Variants in SCNN1G observed in about 807,000 individuals in gnomAD.
SCNN1G encodes epithelial sodium channel subunit gamma.
SCNN1G carries 27 observed loss-of-function variants against 64.6 expected under a neutral mutation model. The observed-to-expected ratio is 0.42, with a 90% CI of 0.31 to 0.58. The LOEUF (loss-of-function observed/expected upper bound fraction) is 0.58, where lower values mean the gene tolerates loss of function less well. Ranked by LOEUF, SCNN1G falls within the 20% of genes least tolerant of loss-of-function variation. SCNN1G has a pLI of 0.18. For synonymous variants in SCNN1G, 330 were observed against 314.2 expected (o/e 1.05, Z -0.53); for missense variants, 743 against 823.4 (o/e 0.90, Z 1.19).
Position 23,193,613 on chromosome 16 carries a change from C to A in SCNN1G, c.810-558C>A, listed in dbSNP as rs144110046. ...GCAGTGAGCCATAATTGCGCCACTG[C>A]ACTTCAGCCTGGGCAAAAGAGCAAG... is the stretch of plus-strand genomic sequence containing the variant. On this transcript the variant is annotated intron_variant, in intron 4 of 12. Coordinates refer to ENST00000300061, the MANE Select transcript of SCNN1G (RefSeq NM_001039.4). 1.5e-4 allele frequency among the ~76,000 whole-genome samples: 23 copies of A among 152,314 alleles called. No homozygotes were observed. In the East Asian group the frequency reaches 4.0e-3, roughly 27 times the overall value.
At position 23,186,442 on chromosome 16, in the gene SCNN1G, C is replaced by G; in HGVS notation, c.171C>G (p.Ile57Met). The G allele has an allele frequency of 6.2e-7, 1 of 1,614,210 alleles. No homozygotes were observed. Among genetic ancestry groups the G allele is most frequent in the Admixed American group, 1.7e-5 (1 of 60,030 alleles). The change falls in exon 2 of 13, where the codon ATC (isoleucine) becomes ATG (methionine). Residue 57 changes from isoleucine (I) to methionine (M), a missense_variant. Coordinates refer to ENST00000300061, the MANE Select transcript of SCNN1G (RefSeq NM_001039.4). ...GCCGTCTGCGCCGCCTCCTCTGGAT[C>G]GGGTTCACACTGACTGCCGTGGCCC... ...SRGRLRRLLW[I>M]GFTLTAVALI...
chr16:23,196,651 A>G (rs1374270408), intron 5 of SCNN1G: 1 of 155,618 alleles, frequency 6.4e-6, no homozygotes, highest in Non-Finnish European at 1.4e-5. Flanking sequence ...AATTGCAAAC[A>G]ATTTGTAAAT....
chr16:23,208,163 A>T (rs1055653295), intron 6 of SCNN1G, among the ~76,000 whole-genome samples: 3 of 152,154 alleles, frequency 2.0e-5, no homozygotes, highest in Non-Finnish European at 2.9e-5. Context: ...ATTAAGCTAG[A>T]GCAAAATTTA....
At position 23,215,476 on chromosome 16, in the gene SCNN1G, G is replaced by A. The variant is rs1469665342; in HGVS notation, c.*7G>A. 6.2e-7 allele frequency: 1 copy of A among 1,606,268 alleles called. No individual in the cohort carries two copies. The highest frequency in any genetic ancestry group is 1.1e-5 in the South Asian group (1 of 91,088). ...GATGCTGGATGAGCTCTGAGGCAGGGTTGAGAAGACAGATCTAGTCAGGAC... is the reference window on the plus strand; with the variant it reads ...GATGCTGGATGAGCTCTGAGGCAGGATTGAGAAGACAGATCTAGTCAGGAC... On this transcript the variant is annotated 3_prime_UTR_variant, in exon 13 of 13. Transcript: ENST00000300061.
rs1400657814 is a variant in SCNN1G at position 23,189,606 on chromosome 16, A to G, written c.553A>G (p.Ser185Gly). The G allele has an allele frequency of 1.9e-6, 3 of 1,614,208 alleles. No individual in the cohort carries two copies. Among genetic ancestry groups the G allele is most frequent in the Non-Finnish European group, 2.5e-6 (3 of 1,180,028 alleles). Reference sequence around the variant, plus strand: ...AGGGAGGAAGCGGAAAGTCGGCGGTAGCATCATTCACAAGGCTTCAAATGT... The same window carrying G: ...AGGGAGGAAGCGGAAAGTCGGCGGTGGCATCATTCACAAGGCTTCAAATGT... ...FTGRKRKVGG[S>G]IIHKASNVMH... The change falls in exon 3 of 13, where the codon AGC becomes GGC. Residue 185 changes from serine (S) to glycine (G), a missense_variant. Transcript: ENST00000300061.
chr16:23,214,619 C>A, intron 11 of SCNN1G, 93 bp from the exon 12 acceptor site: 1 of 1,006,740 alleles, frequency 9.9e-7, no homozygotes, highest in Non-Finnish European at 1.6e-6. Flanking sequence ...CTTGGCCATG[C>A]TGCCAGCTTG....
chr16:23,196,078 A>G (rs1259471332), intron 5 of SCNN1G: 1 of 152,198 alleles, frequency 6.6e-6, no homozygotes, highest in East Asian at 1.9e-4. Flanking sequence ...GACATGATCT[A>G]GTTACAAATC....
Position 23,215,436 on chromosome 16 carries a change from G to T in SCNN1G, c.1917G>T (p.Gln639His), listed in dbSNP as rs760463856. The T allele has an allele frequency of 9.9e-6, 16 of 1,612,700 alleles. No homozygotes were observed. The South Asian group carries it at 1.8e-4, about 18-fold the overall frequency. ...GCTTGGAGAGGGCCTTTTCCAACCA[G>T]CTCACAGATACCCAGATGCTGGATG... ...TLRLERAFSN[Q>H]LTDTQMLDEL Residue 639 changes from glutamine to histidine, a missense_variant, in exon 13 of 13, where the codon CAG (glutamine) becomes CAT (histidine). Gln to His is a conservative substitution (Grantham distance 24, BLOSUM62 0). Transcript: ENST00000300061.
At chr16:23,191,769 T>C (rs72646496) in intron 3 of SCNN1G, among the ~76,000 whole-genome samples, 14 of 152,204 alleles carry the variant, frequency 9.2e-5, no homozygotes, top group Non-Finnish European at 1.5e-4. Flanking sequence ...TTCCAAGCTT[T>C]GTGTGATAAG....
In SCNN1G at chr16:23,214,759, G is replaced by T; in HGVS notation, c.1541G>T (p.Arg514Ile). Reference protein sequence around the residue: ...LLIFYKDLNQRSIMESPANSI... With the variant: ...LLIFYKDLNQISIMESPANSI... ...ATATTCTACAAAGACCTGAACCAGA[G>T]ATCCATCATGGAGAGCCCAGCCAAC... Residue 514 changes from arginine to isoleucine, a missense_variant, in exon 12 of 13, where the codon AGA becomes ATA. Coordinates refer to ENST00000300061, the MANE Select transcript of SCNN1G (RefSeq NM_001039.4). 6.2e-7 allele frequency: 1 copy of T among 1,614,136 alleles called. No individual in the cohort carries two copies. Among genetic ancestry groups the T allele is most frequent in the Non-Finnish European group, 8.5e-7 (1 of 1,179,980 alleles).
chr16:23,215,658 T>C lies in SCNN1G; in HGVS notation c.*189T>C. On this transcript the variant is annotated 3_prime_UTR_variant, in exon 13 of 13. Coordinates refer to ENST00000300061, the MANE Select transcript of SCNN1G (RefSeq NM_001039.4). ...ATGCGCAGGAGGAGCCATCGGGTAC[T>C]ACGCAGCAACACTCACAACTGTCCA... The C allele has an allele frequency of 1.5e-6, 1 of 652,438 alleles. No individual in the cohort carries two copies. The highest frequency in any genetic ancestry group is 2.7e-6 in the Non-Finnish European group (1 of 371,412). 40.4% of individuals were successfully genotyped at this position (652,438 alleles called of 1,614,324 possible).
chr16:23,215,800 T>C lies in SCNN1G; in HGVS notation c.*331T>C. The C allele has an allele frequency of 2.5e-6, 1 of 402,962 alleles. No homozygotes were observed. 25.0% of individuals were successfully genotyped at this position (402,962 alleles called of 1,614,324 possible). A position where few individuals can be genotyped will look rare whatever the true frequency, so the allele number is the denominator to read the frequency against. ...GAGGACTGATGCAGCTCTTTACGGG[T>C]CTTGAGAGGGAAGGACTCTTCCAAA... On this transcript the variant is annotated 3_prime_UTR_variant, in exon 13 of 13. Transcript: ENST00000300061.
intron 6 of SCNN1G, among the ~76,000 whole-genome samples, chr16:23,208,525 G>A (rs1428664747): frequency 1.3e-5 from 2 of 151,912 alleles, no homozygotes; most frequent in African/African-American, 4.8e-5. Context: ...AAGGCAATGG[G>A]TCCTTCACCT....
At chr16:23,191,955 C>G (rs1055158836) in intron 3 of SCNN1G, among the ~76,000 whole-genome samples, 1 of 152,190 alleles carries the variant, frequency 6.6e-6, no homozygotes, top group Non-Finnish European at 1.5e-5. Context: ...AGTCTCTCCC[C>G]CTCCTGCAGA....
rs747479323 is a variant in SCNN1G at position 23,192,478 on chromosome 16, A to G, written c.745A>G (p.Met249Val). The change falls in exon 4 of 13, where the codon ATG (methionine) becomes GTG (valine). Residue 249 changes from methionine to valine, a missense_variant. Transcript: ENST00000300061. ...AQVPLEKKIN[M>V]SYSAEELLVT... ...GGTGCCTCTGGAGAAGAAAATCAAC[A>G]TGAGCTATTCTGCTGAGGAGCTGCT... 4 of 1,613,424 alleles carry G rather than the reference A, an allele frequency of 2.5e-6. No homozygotes were observed. The highest frequency in any genetic ancestry group is 3.4e-6 in the Non-Finnish European group (4 of 1,179,944).
chr16:23,187,248 A>G (rs1374383609), intron 2 of SCNN1G, among the ~76,000 whole-genome samples: 1 of 151,848 alleles, frequency 6.6e-6, no homozygotes, highest in African/African-American at 2.4e-5. Flanking sequence ...AGCTGGGACT[A>G]TAGGCACATG....
chr16:23,201,103 G>C (rs1959881549), intron 6 of SCNN1G, among the ~76,000 whole-genome samples: 1 of 152,236 alleles, frequency 6.6e-6, no homozygotes, highest in Admixed American at 6.5e-5. Context: ...TTTTTTAAGA[G>C]ATAGCCACTT....
chr16:23,208,291 G>T (rs1960023098), intron 6 of SCNN1G, among the ~76,000 whole-genome samples: 2 of 152,030 alleles, frequency 1.3e-5, no homozygotes. Context: ...AGGCTGTAGT[G>T]ACCCTTGATT....
At chr16:23,213,672 C>A (rs907506509) in intron 11 of SCNN1G, among the ~76,000 whole-genome samples, 1 of 152,210 alleles carries the variant, frequency 6.6e-6, no homozygotes, top group Non-Finnish European at 1.5e-5. Context: ...CTCCCTCATG[C>A]GCACTGCTGG....
Sources: gnomAD v4.1 joint callset for allele counts (sites outside exome capture counted in the v4.1 genomes callset) on GRCh38, gnomAD v4.1.1 for gene constraint, MANE v1.5 for transcripts, NCBI Gene and HGNC (gene_info 2026-07-23, HGNC 2026-07-21) for gene names.